The following NMNAT3 variants were observed in gnomAD, a reference collection of about 807,000 sequenced individuals.
NMNAT3 encodes the protein nicotinamide nucleotide adenylyltransferase 3, also known as nicotinamide/nicotinic acid mononucleotide adenylyltransferase 3.
NMNAT3 carries 21 observed loss-of-function variants against 24.8 expected under a neutral mutation model. The observed-to-expected ratio is 0.85, with a 90% CI of 0.60 to 1.22. NMNAT3 has a LOEUF of 1.22. Among genes scored for constraint, NMNAT3 ranks in the 50% most tolerant of loss-of-function variants. NMNAT3 has a pLI of 0.00. For missense variants in NMNAT3, 387 were observed against 436.6 expected (o/e 0.89, Z 1.01); for synonymous variants, 136 against 155.2 (o/e 0.88, Z 0.92).
At chr3:139,614,703 T>C (rs763511781) in intron 3 of NMNAT3, among the ~76,000 whole-genome samples, 5 of 152,230 alleles carry the variant, frequency 3.3e-5, no homozygotes, top group Admixed American at 6.5e-5. Context: ...ATGAGGTCAT[T>C]ATGTCCCATA....
chr3:139,645,776 G>T (rs2056851409), intron 1 of NMNAT3, among the ~76,000 whole-genome samples: 1 of 152,120 alleles, frequency 6.6e-6, no homozygotes, highest in Non-Finnish European at 1.5e-5. Flanking sequence ...GCACATTGTT[G>T]CTCTCAACAA....
In NMNAT3 at chr3:139,627,500, T is replaced by C; in HGVS notation, c.109+116A>G. On this transcript the variant is annotated intron_variant, in intron 3 of 6. Transcript: ENST00000643695. ...GAATATGATGAAAAAAATATGCCAC[T>C]AGTTATGCTGTGAATAAATTGAGCT... 3 of 577,230 alleles carry C rather than the reference T, an allele frequency of 5.2e-6. No homozygotes were observed. In the South Asian group the frequency reaches 7.3e-5, roughly 14 times the overall value. The allele number at this position is 577,230 out of a possible 1,614,324, so 35.8% of individuals were successfully genotyped here. A position where few individuals can be genotyped will look rare whatever the true frequency, so the allele number is the denominator to read the frequency against.
At chr3:139,561,485 G>GA in intron 6 of NMNAT3, 93 bp from the exon 7 acceptor site, 1 of 1,242,218 alleles carries the variant, frequency 8.1e-7, no homozygotes, top group South Asian at 1.5e-5. Flanking sequence ...TGCTTTTCTT[G>GA]GATGTATCGA....
chr3:139,600,859 T>C (rs896762884), intron 3 of NMNAT3, among the ~76,000 whole-genome samples: 1 of 152,254 alleles, frequency 6.6e-6, no homozygotes, highest in South Asian at 2.1e-4. Flanking sequence ...CATTAGAATC[T>C]CCTTTTTTGC....
chr3:139,656,512 G>T (rs961730209), intron 1 of NMNAT3, among the ~76,000 whole-genome samples: 1 of 152,178 alleles, frequency 6.6e-6, no homozygotes, highest in Non-Finnish European at 1.5e-5. Context: ...GGAAAAACAA[G>T]CAGCTACTTA....
intron 4 of NMNAT3, among the ~76,000 whole-genome samples, chr3:139,580,329 GC>G (rs948492890): frequency 5.9e-5 from 9 of 152,248 alleles, no homozygotes; most frequent in African/African-American, 1.2e-4. Flanking sequence ...TGCCATGTTG[GC>G]TAGGCTGGTC....
In NMNAT3 at chr3:139,674,207, T is replaced by C. The variant is rs562194577; in HGVS notation, c.-141+3498A>G. Among the ~76,000 whole-genome samples the C allele has an allele frequency of 5.3e-5, 8 of 152,322 alleles. No individual in the cohort carries two copies. In the South Asian group the frequency reaches 1.7e-3, roughly 32 times the overall value. ...ACCCAAAACCTATTACAGAGAATCT[T>C]AGATTTCCCTGGAGCTGATTTCTCA... On this transcript the variant is annotated intron_variant, in intron 1 of 6. Transcript: ENST00000643695.
intron 3 of NMNAT3, among the ~76,000 whole-genome samples, chr3:139,608,103 G>A (rs2055026691): frequency 6.6e-6 from 1 of 152,174 alleles, no homozygotes; most frequent in Admixed American, 6.5e-5. Context: ...GCCAACTGCT[G>A]GTTCTCCACT....
At chr3:139,595,554 C>T (rs1176378819) in intron 3 of NMNAT3, among the ~76,000 whole-genome samples, 2 of 152,224 alleles carry the variant, frequency 1.3e-5, no homozygotes, top group Non-Finnish European at 2.9e-5. Flanking sequence ...TACCTGACTT[C>T]AAACTATACT....
chr3:139,620,220 G>GTTTTTTTT (rs2055702797), intron 3 of NMNAT3, among the ~76,000 whole-genome samples: 1 of 133,496 alleles, frequency 7.5e-6, no homozygotes, highest in Non-Finnish European at 1.6e-5. Flanking sequence ...TTTTTTTAAA[G>GTTTTTTTT]TTTGATGTTT....
chr3:139,660,668 A>G (rs2057386153), intron 1 of NMNAT3, among the ~76,000 whole-genome samples: 1 of 152,236 alleles, frequency 6.6e-6, no homozygotes, highest in African/African-American at 2.4e-5. Context: ...TGTCTCTATT[A>G]AAGATACTCA....
chr3:139,666,695 ATGTT>A (rs1471495290), intron 1 of NMNAT3, among the ~76,000 whole-genome samples: 2 of 152,126 alleles, frequency 1.3e-5, no homozygotes, highest in African/African-American at 2.4e-5. Flanking sequence ...TCCTAACTGT[ATGTT>A]TGTACCTATT....
At chr3:139,599,686 T>C (rs2054627801) in intron 3 of NMNAT3, among the ~76,000 whole-genome samples, 1 of 152,218 alleles carries the variant, frequency 6.6e-6, no homozygotes, top group South Asian at 2.1e-4. Flanking sequence ...TTTGAGGCCA[T>C]TTTAGCACCA....
intron 1 of NMNAT3, among the ~76,000 whole-genome samples, chr3:139,666,687 C>G (rs984543545): frequency 9.2e-5 from 14 of 152,112 alleles, no homozygotes; most frequent in African/African-American, 3.4e-4. Context: ...GAACTTACTC[C>G]TAACTGTATG....
intron 2 of NMNAT3, chr3:139,635,410 T>A (rs2056464259): frequency 1.3e-5 from 2 of 152,214 alleles, no homozygotes; most frequent in South Asian, 4.1e-4. Context: ...GTCCCTGGAA[T>A]TCAGAGTCAA....
At chr3:139,591,755 G>T (rs149721969) in intron 3 of NMNAT3, among the ~76,000 whole-genome samples, 456 of 100,926 alleles carry the variant, frequency 4.5e-3, no homozygotes, top group South Asian at 0.01. Context: ...TGCAGCTGAG[G>T]GTCCTGTCTG....
At chr3:139,664,812 A>G (rs2057525655) in intron 1 of NMNAT3, among the ~76,000 whole-genome samples, 1 of 152,206 alleles carries the variant, frequency 6.6e-6, no homozygotes, top group African/African-American at 2.4e-5. Flanking sequence ...GAAAATTAGA[A>G]TTTTTCCTCC....
intron 5 of NMNAT3, among the ~76,000 whole-genome samples, chr3:139,578,345 T>A (rs1435460403): frequency 6.6e-6 from 1 of 152,140 alleles, no homozygotes; most frequent in Non-Finnish European, 1.5e-5. Flanking sequence ...AAAGTCTGGG[T>A]TTACAGAACC....
intron 1 of NMNAT3, among the ~76,000 whole-genome samples, chr3:139,638,498 C>T (rs1268849588): frequency 1.3e-5 from 2 of 152,092 alleles, no homozygotes; most frequent in East Asian, 1.9e-4. Flanking sequence ...AGCAATTGTT[C>T]GTAATGACAT....
Sources: gnomAD v4.1 joint callset for allele counts (sites outside exome capture counted in the v4.1 genomes callset) on GRCh38, gnomAD v4.1.1 for gene constraint, MANE v1.5 for transcripts, NCBI Gene and HGNC (gene_info 2026-07-23, HGNC 2026-07-21) for gene names.